Variants in CACNB2 observed in about 807,000 individuals in gnomAD.
The protein encoded by CACNB2 is calcium voltage-gated channel auxiliary subunit beta 2.
A neutral mutation model predicts 73.3 loss-of-function variants in CACNB2; 42 were observed. That is an observed-to-expected ratio of 0.57 (90% confidence interval 0.45 to 0.74). The LOEUF (loss-of-function observed/expected upper bound fraction) is 0.74, where lower values mean the gene tolerates loss of function less well. Among genes scored for constraint, CACNB2 ranks in the 30% least tolerant of loss-of-function variants. CACNB2 has a pLI of 0.00. For missense variants in CACNB2, 940 were observed against 853.0 expected (o/e 1.10, Z -1.27); for synonymous variants, 348 against 310.3 (o/e 1.12, Z -1.28).
At chr10:18,142,340 G>C (rs1018972253) in intron 1 of CACNB2, among the ~76,000 whole-genome samples, 4 of 152,190 alleles carry the variant, frequency 2.6e-5, no homozygotes, top group Non-Finnish European at 5.9e-5. Context: ...TTCACAAGCC[G>C]AGTAGGGACA....
intron 1 of CACNB2, among the ~76,000 whole-genome samples, chr10:18,143,342 C>T (rs1271094182): frequency 6.6e-6 from 1 of 151,582 alleles, no homozygotes; most frequent in East Asian, 1.9e-4. Context: ...AAGGCCTAAG[C>T]GAAAAAGAGA....
At position 18,518,956 on chromosome 10, in the gene CACNB2, G is replaced by C. The variant is rs2051555004; in HGVS notation, c.932G>C (p.Arg311Thr). Reference protein sequence around the residue: ...QKALFDFLKHRFEGRISITRV... With the variant: ...QKALFDFLKHTFEGRISITRV... ...GCGCTGTTTGATTTTTTAAAACACA[G>C]ATTTGAAGGGCGGTGAGTATTTCAG... is the stretch of plus-strand genomic sequence containing the variant. The change falls in exon 9 of 14, where the codon AGA becomes ACA. Residue 311 changes from arginine to threonine, a missense_variant. By Grantham distance (71) the Arg-to-Thr change is moderately conservative (BLOSUM62 -1). Coordinates refer to ENST00000324631, the MANE Select transcript of CACNB2 (RefSeq NM_201596.3). The C allele has an allele frequency of 1.2e-6, 2 of 1,613,714 alleles. No homozygotes were observed. Among genetic ancestry groups the C allele is most frequent in the Non-Finnish European group, 1.7e-6 (2 of 1,179,786 alleles).
intron 2 of CACNB2, among the ~76,000 whole-genome samples, chr10:18,377,672 T>G (rs1770323230): frequency 6.6e-6 from 1 of 152,216 alleles, no homozygotes; most frequent in African/African-American, 2.4e-5. Context: ...TGGATCAACT[T>G]AGGCCCATGA....
At chr10:18,479,266 C>T (rs1209953632) in intron 3 of CACNB2, among the ~76,000 whole-genome samples, 2 of 152,064 alleles carry the variant, frequency 1.3e-5, no homozygotes, top group African/African-American at 4.8e-5. Context: ...TCCTTCCTGA[C>T]ACCCATTCCC....
In CACNB2 at chr10:18,220,216, TATATATATATATATATAGAGAGAG is replaced by T. The variant is rs2035705058; in HGVS notation, c.213+69243_213+69266del. On this transcript the variant is annotated intron_variant, in intron 2 of 13. Transcript: ENST00000324631. ...ATATGTGTGTGTATATATATATATA[TATATATATATATATATAGAGAGAG>T]AGAGAGAGAGAGAGAGAGAGAGAGA... Among the ~76,000 whole-genome samples, 3 of 44,712 alleles carry T rather than the reference TATATATATATATATATAGAGAGAG, an allele frequency of 6.7e-5. No individual in the cohort carries two copies. The South Asian group carries it at 2.2e-3, about 34-fold the overall frequency. The allele number at this position is 44,712 out of a possible 152,430, so 29.3% of individuals were successfully genotyped here.
chr10:18,450,680 T>C lies in CACNB2; in HGVS notation c.334-47675T>C, dbSNP rs975511475. Among the ~76,000 whole-genome samples, 4 of 148,776 alleles carry C rather than the reference T, an allele frequency of 2.7e-5. No individual in the cohort carries two copies. The East Asian group carries it at 5.9e-4, about 22-fold the overall frequency. ...CTCTGTCACTCAGGCTGGAGTATGG[T>C]GGTGCCATCTCGGCTCACTGCAGTC... On this transcript the variant is annotated intron_variant, in intron 3 of 13. Coordinates refer to ENST00000324631, the MANE Select transcript of CACNB2 (RefSeq NM_201596.3).
chr10:18,498,856 A>G (rs2049998281), intron 4 of CACNB2: 1 of 248,748 alleles, frequency 4.0e-6, no homozygotes, highest in Non-Finnish European at 7.9e-6. Flanking sequence ...AATATCTAGA[A>G]TTCATGACTC....
chr10:18,254,609 A>C (rs867981247), intron 2 of CACNB2, among the ~76,000 whole-genome samples: 1 of 152,200 alleles, frequency 6.6e-6, no homozygotes, highest in African/African-American at 2.4e-5. Context: ...GGTGAGAAAT[A>C]AAGGAAAATT....
intron 2 of CACNB2, chr10:18,260,671 C>T (rs1173440381): frequency 2.0e-6 from 2 of 988,780 alleles, no homozygotes; most frequent in Middle Eastern, 5.1e-4. Flanking sequence ...TCAGATATGC[C>T]CAAAACGTTA....
At chr10:18,512,697 A>G (rs1474864848) in intron 6 of CACNB2, among the ~76,000 whole-genome samples, 1 of 152,186 alleles carries the variant, frequency 6.6e-6, no homozygotes, top group African/African-American at 2.4e-5. Context: ...AAGTGTGTTT[A>G]TTCCTGTAGC....
intron 3 of CACNB2, 21 bp downstream of exon 3, chr10:18,402,064 C>T (rs1415232851): frequency 6.2e-7 from 1 of 1,612,130 alleles, no homozygotes. Flanking sequence ...TTCCTCCCTG[C>T]CAAGATCTTT....
intron 2 of CACNB2, among the ~76,000 whole-genome samples, chr10:18,172,579 G>A (rs532540442): frequency 6.6e-6 from 1 of 152,124 alleles, no homozygotes; most frequent in South Asian, 2.1e-4. Flanking sequence ...GCTAGGAAGT[G>A]GCAGAGACTG....
chr10:18,268,172 T>G (rs916696045), intron 2 of CACNB2, among the ~76,000 whole-genome samples: 19 of 152,342 alleles, frequency 1.2e-4, no homozygotes, highest in African/African-American at 4.6e-4. Flanking sequence ...TAAAGCGTAT[T>G]GAATTATGTA....
chr10:18,234,983 A>T (rs1409105537), intron 2 of CACNB2, among the ~76,000 whole-genome samples: 1 of 151,890 alleles, frequency 6.6e-6, no homozygotes, highest in African/African-American at 2.4e-5. Context: ...CTCTACTAAA[A>T]ATATAAAAAA....
chr10:18,487,828 G>A (rs1296629137), intron 3 of CACNB2, among the ~76,000 whole-genome samples: 1 of 112,682 alleles, frequency 8.9e-6, no homozygotes, highest in African/African-American at 3.8e-5. Context: ...AACAGAGCAA[G>A]ACTCCATCTC....
chr10:18,224,168 GTC>G (rs959819941), intron 2 of CACNB2: 5 of 152,210 alleles, frequency 3.3e-5, no homozygotes, highest in African/African-American at 1.2e-4. Context: ...CTTAGCGAAA[GTC>G]TCTGCTGTTT....
At chr10:18,344,751 T>TG (rs1564453691) in intron 2 of CACNB2, among the ~76,000 whole-genome samples, 1 of 152,102 alleles carries the variant, frequency 6.6e-6, no homozygotes. Context: ...GACACCAGCC[T>TG]GGGCAACAAC....
At chr10:18,422,366 C>T (rs1249845882) in intron 3 of CACNB2, among the ~76,000 whole-genome samples, 6 of 152,164 alleles carry the variant, frequency 3.9e-5, no homozygotes, top group South Asian at 2.1e-4. Flanking sequence ...TACGGATGCC[C>T]GATTGTCCTT....
intron 3 of CACNB2, among the ~76,000 whole-genome samples, chr10:18,487,769 AGGTTGCAGTGAGCCAAGAT>A (rs1201457077): frequency 6.6e-6 from 1 of 151,600 alleles, no homozygotes; most frequent in Non-Finnish European, 1.5e-5. Context: ...TACGAGGCAG[AGGTTGCAGTGAGCCAAGAT>A]CCTGCCACAA....
Sources: allele counts gnomAD v4.1 joint callset (sites outside exome capture counted in the v4.1 genomes callset), GRCh38; gene constraint gnomAD v4.1.1; transcripts MANE v1.5; gene names NCBI Gene and HGNC (gene_info 2026-07-23, HGNC 2026-07-21).